Variants in AKT3 observed in about 807,000 individuals in gnomAD.
AKT3 encodes the protein RAC-gamma serine/threonine-protein kinase.
A neutral mutation model predicts 65.3 loss-of-function variants in AKT3; 15 were observed. That is an observed-to-expected ratio of 0.23 (90% CI 0.15 to 0.35). AKT3 has a LOEUF of 0.35. Among genes scored for constraint, AKT3 ranks in the 10% least tolerant of loss-of-function variants. AKT3 has a pLI of 1.00. For synonymous variants in AKT3, 206 were observed against 183.8 expected, an observed-to-expected ratio of 1.12 and a Z score of -0.98; for missense variants, 243 against 576.5, an observed-to-expected ratio of 0.42 and a Z score of 5.92.
intron 2 of AKT3, among the ~76,000 whole-genome samples, chr1:243,720,230 T>C (rs1686791436): frequency 6.6e-6 from 1 of 151,490 alleles, no homozygotes; most frequent in South Asian, 2.1e-4. Context: ...ACCCAGGAGG[T>C]GAGGGTGCAG....
chr1:243,500,021 T>C lies in AKT3; in HGVS notation c.*5228A>G, dbSNP rs765775428. 2.7e-5 allele frequency: 16 copies of C among 582,178 alleles called. No homozygotes were observed. Among genetic ancestry groups the C allele is most frequent in the Non-Finnish European group, 4.9e-5 (16 of 326,618 alleles). 36.1% of individuals were successfully genotyped at this position (582,178 alleles called of 1,614,324 possible). On this transcript the variant is annotated 3_prime_UTR_variant, in exon 14 of 14. Coordinates refer to ENST00000673466, the MANE Select transcript of AKT3 (RefSeq NM_005465.7). The stretch of plus-strand genomic sequence containing the variant: ...TATGTTTTCAGAAATGGCTTGAAGT[T>C]ATGTGTTTAAATCTGCTCATTCGTA...
intron 5 of AKT3, among the ~76,000 whole-genome samples, chr1:243,638,380 T>C (rs1166379674): frequency 1.3e-5 from 2 of 152,160 alleles, no homozygotes; most frequent in Non-Finnish European, 2.9e-5. Context: ...GTTTCACTTC[T>C]CTTTCTTAAG....
intron 10 of AKT3, among the ~76,000 whole-genome samples, chr1:243,562,954 C>A (rs972518897): frequency 3.9e-5 from 6 of 152,196 alleles, no homozygotes; most frequent in Admixed American, 1.3e-4. Context: ...TGTTACACAG[C>A]ATTAGTAACT....
At chr1:243,547,336 C>A (rs966337253) in intron 11 of AKT3, among the ~76,000 whole-genome samples, 1 of 152,232 alleles carries the variant, frequency 6.6e-6, no homozygotes, top group African/African-American at 2.4e-5. Context: ...GTATTTATGA[C>A]CTTTGATTTT....
At chr1:243,647,231 T>A (rs560327924) in intron 4 of AKT3, among the ~76,000 whole-genome samples, 1 of 152,354 alleles carries the variant, frequency 6.6e-6, no homozygotes, top group East Asian at 1.9e-4. Flanking sequence ...ATGGACTGCA[T>A]ATACGATGGC....
At chr1:243,627,530 C>T (rs1034921908) in intron 6 of AKT3, among the ~76,000 whole-genome samples, 3 of 152,176 alleles carry the variant, frequency 2.0e-5, no homozygotes, top group African/African-American at 7.2e-5. Flanking sequence ...TGACTTGATA[C>T]AGGTCCAGAA....
chr1:243,584,294 C>T (rs988975072), intron 8 of AKT3, among the ~76,000 whole-genome samples: 9 of 152,138 alleles, frequency 5.9e-5, no homozygotes, highest in East Asian at 1.9e-4. Flanking sequence ...AGACTAATAT[C>T]GAGTTCCAAA....
At chr1:243,743,436 C>A (rs781045432) in intron 2 of AKT3, among the ~76,000 whole-genome samples, 3 of 152,102 alleles carry the variant, frequency 2.0e-5, no homozygotes, top group Admixed American at 6.5e-5. Context: ...GTCTTAATAA[C>A]ACTCAGAAGG....
intron 6 of AKT3, among the ~76,000 whole-genome samples, chr1:243,623,398 G>C (rs1168679885): frequency 6.6e-6 from 1 of 152,140 alleles, no homozygotes; most frequent in African/African-American, 2.4e-5. Flanking sequence ...CTAGAGAACT[G>C]GTAAAGCATT....
At chr1:243,684,917 G>C (rs776032049) in intron 3 of AKT3, among the ~76,000 whole-genome samples, 1 of 152,112 alleles carries the variant, frequency 6.6e-6, no homozygotes, top group Admixed American at 6.6e-5. Context: ...GTGATGATGA[G>C]CTTTTTTTCA....
chr1:243,720,318 A>C (rs1363864492), intron 2 of AKT3, among the ~76,000 whole-genome samples: 1 of 152,046 alleles, frequency 6.6e-6, no homozygotes, highest in Non-Finnish European at 1.5e-5. Flanking sequence ...TAAAAATAAA[A>C]TAAAAATAAA....
intron 8 of AKT3, among the ~76,000 whole-genome samples, chr1:243,593,624 G>A (rs1352327642): frequency 6.6e-6 from 1 of 152,068 alleles, no homozygotes; most frequent in Non-Finnish European, 1.5e-5. Flanking sequence ...GAATAAACCT[G>A]GAAGCTGCAG....
intron 2 of AKT3, among the ~76,000 whole-genome samples, chr1:243,819,758 G>A (rs1693745032): frequency 6.6e-6 from 1 of 152,206 alleles, no homozygotes. Flanking sequence ...CATCAGGTCG[G>A]TGCCCCTCTG....
upstream of AKT3, among the ~76,000 whole-genome samples, chr1:243,850,756 C>A: frequency 6.6e-6 from 1 of 150,838 alleles, no homozygotes; most frequent in Non-Finnish European, 1.5e-5. Flanking sequence ...CCCCGCGCCC[C>A]CAAACCAGCG....
intron 5 of AKT3, among the ~76,000 whole-genome samples, chr1:243,642,444 G>T (rs1252859062): frequency 6.6e-6 from 1 of 152,164 alleles, no homozygotes; most frequent in Non-Finnish European, 1.5e-5. Context: ...CGAGTAGCTG[G>T]GACTACAGGC....
intron 2 of AKT3, among the ~76,000 whole-genome samples, chr1:243,794,998 C>T (rs905866915): frequency 6.6e-6 from 1 of 152,170 alleles, no homozygotes; most frequent in African/African-American, 2.4e-5. Context: ...TATATGTGTT[C>T]ACTATCATTT....
intron 2 of AKT3, among the ~76,000 whole-genome samples, chr1:243,765,628 C>A (rs1231892358): frequency 6.6e-6 from 1 of 152,028 alleles, no homozygotes; most frequent in Non-Finnish European, 1.5e-5. Context: ...CCCTTGTTAA[C>A]CAAACAAAAA....
Position 243,622,568 on chromosome 1 carries a change from C to T in AKT3, c.562-7407G>A, listed in dbSNP as rs141167550. Among the ~76,000 whole-genome samples, 226 of 152,110 alleles carry T rather than the reference C, an allele frequency of 1.5e-3. 2 individuals are homozygous for T. In the South Asian group the frequency reaches 0.017, roughly 12 times the overall value. On this transcript the variant is annotated intron_variant, in intron 6 of 13. Coordinates refer to ENST00000673466, the MANE Select transcript of AKT3 (RefSeq NM_005465.7). The stretch of plus-strand genomic sequence containing the variant: ...AGTACCTAGCAAATAATTAGGTGTT[C>T]GACATATATTTATTGAAATAATGAG...
At chr1:243,848,391 AATT>A (rs911959599) in intron 1 of AKT3, among the ~76,000 whole-genome samples, 1 of 152,200 alleles carries the variant, frequency 6.6e-6, no homozygotes, top group African/African-American at 2.4e-5. Context: ...TTGCTATTTT[AATT>A]ATAAAATATT....
Sources: gnomAD v4.1 joint callset for allele counts (sites outside exome capture counted in the v4.1 genomes callset) on GRCh38, gnomAD v4.1.1 for gene constraint, MANE v1.5 for transcripts, NCBI Gene and HGNC (gene_info 2026-07-23, HGNC 2026-07-21) for gene names.